Variants in TECTA observed in about 807,000 individuals in gnomAD.
TECTA encodes tectorin alpha, also known as alpha-tectorin.
In TECTA, 128 loss-of-function variants were observed where a neutral mutation model predicts 216.8. The ratio of observed to expected loss-of-function variants is 0.59; its 90% confidence interval spans 0.51 to 0.68. The LOEUF (loss-of-function observed/expected upper bound fraction) is 0.68. Ranked by LOEUF, TECTA falls within the 30% of genes least tolerant of loss-of-function variation. The pLI, the probability that TECTA is intolerant of heterozygous loss-of-function variation, is 0.00. For synonymous variants in TECTA, 1,089 were observed against 1,117.1 expected (o/e 0.97, Z 0.50); for missense variants, 2,551 against 2,786.2 (o/e 0.92, Z 1.90).
chr11:121,146,470 C>T (rs1011800268), intron 12 of TECTA, among the ~76,000 whole-genome samples: 1 of 152,126 alleles, frequency 6.6e-6, no homozygotes, highest in African/African-American at 2.4e-5. Context: ...GTTCAAGCAC[C>T]TCATGGGCCC....
At chr11:121,117,159 C>T (rs1405040173) in intron 6 of TECTA, among the ~76,000 whole-genome samples, 1 of 152,220 alleles carries the variant, frequency 6.6e-6, no homozygotes, top group African/African-American at 2.4e-5. Flanking sequence ...TGATACTTGC[C>T]TTTTCAGACA....
intron 10 of TECTA, among the ~76,000 whole-genome samples, chr11:121,131,093 G>A (rs943082738): frequency 1.3e-5 from 2 of 151,596 alleles, no homozygotes; most frequent in African/African-American, 4.9e-5. Context: ...GGGGGCCTGT[G>A]GTCCCAACTA....
At chr11:121,189,274 T>C (rs1258453669) in intron 22 of TECTA, 107 bp downstream of exon 22, 3 of 1,101,436 alleles carry the variant, frequency 2.7e-6, no homozygotes, top group Non-Finnish European at 4.1e-6. Context: ...GAGGCTGGTG[T>C]TGGGGACACC....
At chr11:121,114,756 T>C (rs1484122788) in intron 6 of TECTA, among the ~76,000 whole-genome samples, 1 of 42,872 alleles carries the variant, frequency 2.3e-5, no homozygotes, top group African/African-American at 1.6e-4. Context: ...CACCCATCCA[T>C]CCACCTACCC....
chr11:121,109,648 A>G, intron 4 of TECTA, 150 bp downstream of exon 4: 1 of 888,704 alleles, frequency 1.1e-6, no homozygotes, highest in Non-Finnish European at 1.8e-6. Flanking sequence ...ACTTTGCAGG[A>G]AACAGAGGGA....
In TECTA at chr11:121,105,962, T is replaced by C. The variant is rs1565515727; in HGVS notation, c.196T>C (p.Tyr66His). 6.2e-7 allele frequency: 1 copy of C among 1,614,236 alleles called. No individual in the cohort carries two copies. Among genetic ancestry groups the C allele is most frequent in the East Asian group, 2.2e-5 (1 of 44,890 alleles). ...CTTTGGCGTTCCTTACCGCACTGTC[T>C]ATGTAAGTGGAGAAGCAGCCCATCT... is the stretch of plus-strand genomic sequence containing the variant. ...FFFGVPYRTV[Y>H]VNNNGVVSFN... The change falls in exon 3 of 24, where the codon TAT becomes CAT. Residue 66 changes from tyrosine (Y) to histidine (H), a missense_variant and splice_region_variant. This residue lies in a region of TECTA where 2,375 missense variants were observed against 2,563.9 expected (regional missense o/e 0.93). Coordinates refer to ENST00000392793, the MANE Select transcript of TECTA (RefSeq NM_005422.4). This position sits in a 1 kb window ranked among gnomAD's most constrained non-coding sequence, Gnocchi z 5.3.
intron 20 of TECTA, among the ~76,000 whole-genome samples, chr11:121,177,271 T>G: frequency 6.6e-6 from 1 of 152,208 alleles, no homozygotes; most frequent in Admixed American, 6.5e-5. Context: ...GAGTTTCCAG[T>G]TTTTCTGCTC....
At chr11:121,177,913 C>T (rs972655329) in intron 20 of TECTA, among the ~76,000 whole-genome samples, 2 of 152,242 alleles carry the variant, frequency 1.3e-5, no homozygotes, top group African/African-American at 4.8e-5. Context: ...TTGCTGCCGC[C>T]TTGCAGTTTG....
chr11:121,132,577 A>T (rs632121), intron 10 of TECTA, among the ~76,000 whole-genome samples: 33,923 of 152,024 alleles, frequency 0.22, 3,856 homozygotes, highest in African/African-American at 0.24. Context: ...AAGTGCATGT[A>T]TGTGCCTATA....
intron 20 of TECTA, among the ~76,000 whole-genome samples, 188 bp downstream of exon 20, chr11:121,169,113 CA>C (rs1436832245): frequency 6.6e-6 from 1 of 152,194 alleles, no homozygotes; most frequent in Non-Finnish European, 1.5e-5. Flanking sequence ...ATTTTACAGA[CA>C]ATCAAGTAAC....
chr11:121,154,047 A>G (rs1322507594), intron 13 of TECTA, among the ~76,000 whole-genome samples: 1 of 152,228 alleles, frequency 6.6e-6, no homozygotes, highest in East Asian at 1.9e-4. Flanking sequence ...GAGAGAAACA[A>G]TGTACTTTAA....
At chr11:121,153,590 G>C (rs561320848) in intron 13 of TECTA, among the ~76,000 whole-genome samples, 6 of 152,170 alleles carry the variant, frequency 3.9e-5, no homozygotes, top group African/African-American at 1.4e-4. Flanking sequence ...CCATCTCCAC[G>C]TGTGCCATTT....
chr11:121,125,873 G>A lies in TECTA; in HGVS notation c.1774+1G>A, dbSNP rs372925383. The A allele has an allele frequency of 6.2e-7, 1 of 1,606,110 alleles. No individual in the cohort carries two copies. The highest frequency in any genetic ancestry group is 8.5e-7 in the Non-Finnish European group (1 of 1,179,994). On this transcript the variant is annotated splice_donor_variant, in intron 8 of 23. Transcript: ENST00000392793. LOFTEE classifies it high-confidence loss of function. The stretch of plus-strand genomic sequence containing the variant: ...GACTGGCGAACCCAGACTGGGTGTG[G>A]TAAGCTGGCATCCCATCCCCATGAC...
intron 20 of TECTA, among the ~76,000 whole-genome samples, chr11:121,185,565 TAATG>T (rs780216237): frequency 8.7e-6 from 1 of 115,360 alleles, no homozygotes; most frequent in African/African-American, 3.9e-5. Flanking sequence ...GTTGAATGCT[TAATG>T]AATGAGTAGG....
chr11:121,114,096 A>G (rs987423395), intron 6 of TECTA, among the ~76,000 whole-genome samples: 1 of 151,970 alleles, frequency 6.6e-6, no homozygotes, highest in Non-Finnish European at 1.5e-5. Context: ...TTTTCTTCTC[A>G]TCCTTATTCT....
At chr11:121,122,563 C>G (rs891666207) in intron 7 of TECTA, among the ~76,000 whole-genome samples, 58 of 150,810 alleles carry the variant, frequency 3.8e-4, no homozygotes, top group African/African-American at 1.4e-3. Flanking sequence ...AGTCTGGGCA[C>G]GGCGTCTCAC....
At chr11:121,112,690 G>A (rs1425006982) in intron 4 of TECTA, among the ~76,000 whole-genome samples, 1 of 152,184 alleles carries the variant, frequency 6.6e-6, no homozygotes, top group African/African-American at 2.4e-5. Context: ...AGGGGAACCG[G>A]TGGTTGCATC....
chr11:121,113,897 C>T lies in TECTA; in HGVS notation c.790+179C>T, dbSNP rs1946470568. On this transcript the variant is annotated intron_variant, in intron 6 of 23. Coordinates refer to ENST00000392793, the MANE Select transcript of TECTA (RefSeq NM_005422.4). The surrounding 1 kb of genome is among the most constrained non-coding windows in gnomAD (Gnocchi z 4.2). ...GCATTCATCACATCAGAAGCTAAAA[C>T]ACTGCATTCACTACCTTGTGGCTTT... Among the ~76,000 whole-genome samples the T allele has an allele frequency of 6.6e-6, 1 of 152,194 alleles. No homozygotes were observed. The highest frequency in any genetic ancestry group is 2.4e-5 in the African/African-American group (1 of 41,438).
At position 121,109,487 on chromosome 11, in the gene TECTA, A is replaced by C; in HGVS notation, c.475A>C (p.Ser159Arg). Reference sequence around the variant, plus strand: ...GGAAGTCACGTTTTATGGAGGCAGCAGCACCACACCTGTAATAATTCAAAT... The same window carrying C: ...GGAAGTCACGTTTTATGGAGGCAGCCGCACCACACCTGTAATAATTCAAAT... ...WEEVTFYGGSSTTPVNTFQAV... is the reference protein window; with the variant it reads ...WEEVTFYGGSRTTPVNTFQAV... The change falls in exon 4 of 24, where the codon AGC becomes CGC. Residue 159 changes from serine (S) to arginine (R), a missense_variant. Physicochemically the swap from Ser to Arg is moderately radical, Grantham distance 110 (BLOSUM62 -1). Transcript: ENST00000392793. 1.2e-6 allele frequency: 2 copies of C among 1,614,172 alleles called. No homozygotes were observed. Among genetic ancestry groups the C allele is most frequent in the Non-Finnish European group, 1.7e-6 (2 of 1,180,020 alleles).
Sources: gnomAD v4.1 joint callset for allele counts (sites outside exome capture counted in the v4.1 genomes callset) on GRCh38, gnomAD v4.1.1 for gene constraint, gnomAD v4.1.1 regional missense constraint, Gnocchi (gnomAD v3.1) non-coding constraint, MANE v1.5 for transcripts, NCBI Gene and HGNC (gene_info 2026-07-23, HGNC 2026-07-21) for gene names.